Variants in ENPP6 observed in about 807,000 individuals in gnomAD.
ENPP6 encodes the protein glycerophosphocholine cholinephosphodiesterase ENPP6.
ENPP6 carries 32 observed loss-of-function variants against 42.0 expected under a neutral mutation model. That is an observed-to-expected ratio of 0.76 (90% confidence interval 0.58 to 1.02). The LOEUF is 1.02. Ranked by LOEUF, ENPP6 falls within the 50% of genes least tolerant of loss-of-function variation. ENPP6 has a pLI of 0.00. For synonymous variants in ENPP6, 213 were observed against 216.0 expected, an observed-to-expected ratio of 0.99 and a Z score of 0.12; for missense variants, 552 against 566.8, an observed-to-expected ratio of 0.97 and a Z score of 0.27.
intron 5 of ENPP6, 34 bp from the exon 6 acceptor site, chr4:184,112,843 C>T: frequency 6.2e-7 from 1 of 1,603,552 alleles, no homozygotes; most frequent in Non-Finnish European, 8.5e-7. Context: ...CAGTTTGACA[C>T]TCTCTTAAAT....
At chr4:184,125,656 G>A (rs1736491103) in intron 2 of ENPP6, among the ~76,000 whole-genome samples, 1 of 152,096 alleles carries the variant, frequency 6.6e-6, no homozygotes, top group African/African-American at 2.4e-5. Context: ...TGTGTCATGA[G>A]AGACCCTATT....
chr4:184,214,973 A>G (rs1217618691), intron 1 of ENPP6, among the ~76,000 whole-genome samples: 4 of 152,198 alleles, frequency 2.6e-5, no homozygotes, highest in African/African-American at 7.2e-5. Context: ...CGTTCTGCAC[A>G]TGTGTCCCAG....
chr4:184,145,002 C>T (rs1468423674), intron 2 of ENPP6, among the ~76,000 whole-genome samples: 1 of 152,232 alleles, frequency 6.6e-6, no homozygotes, highest in Non-Finnish European at 1.5e-5. Context: ...GAAGGAAGGG[C>T]AGGCCCAGGG....
At chr4:184,206,606 C>G (rs948933139) in intron 1 of ENPP6, among the ~76,000 whole-genome samples, 1 of 152,040 alleles carries the variant, frequency 6.6e-6, no homozygotes, top group Non-Finnish European at 1.5e-5. Context: ...TCTCGAAACA[C>G]GATTGTTCAA....
intron 5 of ENPP6, 76 bp from the exon 6 acceptor site, chr4:184,112,885 G>A: frequency 7.0e-7 from 1 of 1,437,016 alleles, no homozygotes; most frequent in Non-Finnish European, 9.3e-7. Flanking sequence ...CTAGGGGAGA[G>A]GAGAACTTAC....
At chr4:184,203,813 A>G (rs954291256) in intron 1 of ENPP6, among the ~76,000 whole-genome samples, 1 of 151,854 alleles carries the variant, frequency 6.6e-6, no homozygotes, top group Non-Finnish European at 1.5e-5. Flanking sequence ...GTCACCAGAA[A>G]CTCTCAGTGA....
intron 1 of ENPP6, among the ~76,000 whole-genome samples, chr4:184,166,969 G>A (rs902307272): frequency 2.6e-5 from 4 of 152,210 alleles, no homozygotes; most frequent in Non-Finnish European, 5.9e-5. Context: ...CTCTTTCCGT[G>A]TCTTGACCCA....
intron 6 of ENPP6, among the ~76,000 whole-genome samples, chr4:184,103,058 C>T (rs565620478): frequency 2.0e-5 from 3 of 152,226 alleles, no homozygotes; most frequent in Admixed American, 6.5e-5. Flanking sequence ...GCAAGCAACA[C>T]GGGCCTCCCT....
Position 184,139,357 on chromosome 4 carries a change from A to T in ENPP6, c.421+14197T>A, listed in dbSNP as rs543617405. On this transcript the variant is annotated intron_variant, in intron 2 of 7. Transcript: ENST00000296741. Reference sequence around the variant, plus strand: ...ATTTTTTTTTTTTAGTTTTTTTTTTAAATTTATTATTATTATACTTTAAGT... The same window carrying T: ...ATTTTTTTTTTTTAGTTTTTTTTTTTAATTTATTATTATTATACTTTAAGT... Among the ~76,000 whole-genome samples the T allele has an allele frequency of 5.7e-3, 855 of 150,478 alleles. 7 individuals are homozygous for T. The highest frequency in any genetic ancestry group is 0.037 in the Middle Eastern group (11 of 294).
At position 184,216,357 on chromosome 4, in the gene ENPP6, A is replaced by AT. The variant is rs113194481; in HGVS notation, c.241+1221dup. 7.2e-4 allele frequency among the ~76,000 whole-genome samples: 109 copies of AT among 152,014 alleles called. 1 individual carries two copies. Among genetic ancestry groups the AT allele is most frequent in the African/African-American group, 2.5e-3 (102 of 41,438 alleles). ...AACTTCCTTGCTTGTGTGCAGTCTG[A>AT]TTTTTTTCTCTCTCTCATGCCCTCA... On this transcript the variant is annotated intron_variant, in intron 1 of 7. Coordinates refer to ENST00000296741, the MANE Select transcript of ENPP6 (RefSeq NM_153343.4).
Position 184,112,521 on chromosome 4 carries a change from C to A in ENPP6, c.993+151G>T, listed in dbSNP as rs539693684. The A allele has an allele frequency of 1.2e-5, 12 of 1,017,352 alleles. No individual in the cohort carries two copies. The South Asian group carries it at 1.7e-4, about 14-fold the overall frequency. 63.0% of individuals were successfully genotyped at this position (1,017,352 alleles called of 1,614,324 possible). A position where few individuals can be genotyped will look rare whatever the true frequency, so the allele number is the denominator to read the frequency against. ...TGTCTACAAAGTTACCCGATCAAGA[C>A]TTTTGATTCTCTAAAGAAAGACATA... On this transcript the variant is annotated intron_variant, in intron 6 of 7. Coordinates refer to ENST00000296741, the MANE Select transcript of ENPP6 (RefSeq NM_153343.4).
At chr4:184,176,556 G>A (rs972308077) in intron 1 of ENPP6, among the ~76,000 whole-genome samples, 3 of 152,100 alleles carry the variant, frequency 2.0e-5, no homozygotes, top group African/African-American at 2.4e-5. Flanking sequence ...CACCTCCTGC[G>A]GCACTGAACT....
intron 2 of ENPP6, among the ~76,000 whole-genome samples, chr4:184,141,145 C>T (rs1445503310): frequency 1.3e-5 from 2 of 152,168 alleles, no homozygotes; most frequent in Non-Finnish European, 2.9e-5. Flanking sequence ...AGCTTTGTTT[C>T]GTTTTCTCTA....
At chr4:184,183,102 G>A (rs760689667) in intron 1 of ENPP6, among the ~76,000 whole-genome samples, 11 of 152,154 alleles carry the variant, frequency 7.2e-5, no homozygotes, top group South Asian at 2.1e-4. Context: ...ATATTTGAGA[G>A]CTCTTTGGAA....
At chr4:184,212,687 C>A (rs1377976401) in intron 1 of ENPP6, among the ~76,000 whole-genome samples, 1 of 151,674 alleles carries the variant, frequency 6.6e-6, no homozygotes, top group East Asian at 1.9e-4. Context: ...AGATTCAATG[C>A]CATCCCCATC....
At chr4:184,197,926 G>A (rs35443749) in intron 1 of ENPP6, among the ~76,000 whole-genome samples, 74,416 of 151,910 alleles carry the variant, frequency 0.49, 19,703 homozygotes, top group East Asian at 0.95. Context: ...TGAACACCAG[G>A]GATAGCTCTG....
chr4:184,121,181 CCCT>C (rs1172340168), intron 3 of ENPP6, among the ~76,000 whole-genome samples: 1 of 152,218 alleles, frequency 6.6e-6, no homozygotes, highest in African/African-American at 2.4e-5. Flanking sequence ...TAATTCCCTT[CCCT>C]CCTCCTTTTC....
At chr4:184,111,573 T>G (rs1406725171) in intron 6 of ENPP6, among the ~76,000 whole-genome samples, 1 of 152,234 alleles carries the variant, frequency 6.6e-6, no homozygotes. Flanking sequence ...GACCCTCACC[T>G]TGTAAACCAC....
rs1439608599 is a variant in ENPP6 at position 184,131,276 on chromosome 4, C to T, written c.422-7004G>A. Among the ~76,000 whole-genome samples the T allele has an allele frequency of 2.5e-5, 3 of 121,134 alleles. 1 individual carries two copies. The highest frequency in any genetic ancestry group is 9.3e-3 in the Middle Eastern group (2 of 214). The allele number at this position is 121,134 out of a possible 152,430, so 79.5% of individuals were successfully genotyped here. On this transcript the variant is annotated intron_variant, in intron 2 of 7. Transcript: ENST00000296741. ...TCTCTTTCTCTTCCTTCCTTCCTTC[C>T]TTCCTTCCTTCCTTCCTTCCTTCCT...
Sources: allele counts gnomAD v4.1 joint callset (sites outside exome capture counted in the v4.1 genomes callset), GRCh38; gene constraint gnomAD v4.1.1; transcripts MANE v1.5; gene names NCBI Gene and HGNC (gene_info 2026-07-23, HGNC 2026-07-21).